The following MYH8 variants were observed in gnomAD, a reference collection of about 807,000 sequenced individuals.
MYH8 encodes the protein myosin-8.
Under a neutral mutation model 233.2 loss-of-function variants are expected in MYH8, and 168 were observed. The observed-to-expected ratio is 0.72, with a 90% confidence interval of 0.64 to 0.82. MYH8 has a LOEUF of 0.82. Among genes scored for constraint, MYH8 ranks in the 40% least tolerant of loss-of-function variants. The probability of loss-of-function intolerance (pLI) is 0.00; values close to 1 mark genes in which losing one functional copy is unlikely to be tolerated. For synonymous variants in MYH8, 785 were observed against 850.6 expected, an observed-to-expected ratio of 0.92 and a Z score of 1.34; for missense variants, 1,995 against 2,327.8, an observed-to-expected ratio of 0.86 and a Z score of 2.94.
In MYH8 at chr17:10,415,167, T is replaced by A. The variant is rs929899105; in HGVS notation, c.754A>T (p.Arg252Ter). 6 of 1,613,136 alleles carry A rather than the reference T, an allele frequency of 3.7e-6. No individual in the cohort carries two copies. Among genetic ancestry groups the A allele is most frequent in the Non-Finnish European group, 5.1e-6 (6 of 1,179,052 alleles). The change falls in exon 9 of 40, where the codon AGA (arginine) becomes TGA (stop). Residue 252 changes from arginine to a stop codon, truncating the protein, a stop_gained. Coordinates refer to ENST00000403437, the MANE Select transcript of MYH8 (RefSeq NM_002472.3). LOFTEE classifies it high-confidence loss of function. This position sits in a 1 kb window ranked among gnomAD's most constrained non-coding sequence, Gnocchi z 4.1. The stretch of plus-strand genomic sequence containing the variant: ...TTCCCTGTAGTACCAAAGTGGATTC[T>A]AATGAATTTACCCTTGAAAAGAATA... ...DNSSRFGKFI[R>*]IHFGTTGKLA... is the part of the protein sequence containing the mutation.
Position 10,396,486 on chromosome 17 carries a change from A to G in MYH8, c.4529-32T>C, listed in dbSNP as rs768182334. ...TTGAACAGACAGGAGAGAAATGGTC[A>G]GAAAGATGGCAACATGGAAAGGTCC... On this transcript the variant is annotated intron_variant, in intron 32 of 39. Transcript: ENST00000403437. The surrounding 1 kb of genome is among the most constrained non-coding windows in gnomAD (Gnocchi z 4.2). 1.2e-6 allele frequency: 2 copies of G among 1,614,092 alleles called. No homozygotes were observed. Among genetic ancestry groups the G allele is most frequent in the South Asian group, 2.2e-5 (2 of 91,038 alleles).
Position 10,406,381 on chromosome 17 carries a change from C to A in MYH8, c.2188G>T (p.Ala730Ser). The change falls in exon 20 of 40, where the codon GCA becomes TCA. Residue 730 changes from alanine to serine, a missense_variant. Ala to Ser is a moderately conservative substitution (Grantham distance 99). Around this residue, in one of 3 missense-constraint regions of MYH8, gnomAD observed 1,498 missense variants for 1,680.9 expected, o/e 0.89. Coordinates refer to ENST00000403437, the MANE Select transcript of MYH8 (RefSeq NM_002472.3). ...AACTGTCCCTCTGGAATAGCACTTGCATTTAAAACCTTGTATCTGCTCAGT... is the reference window on the plus strand; with the variant it reads ...AACTGTCCCTCTGGAATAGCACTTGAATTTAAAACCTTGTATCTGCTCAGT... ...DFKQRYKVLN[A>S]SAIPEGQFID... 6.2e-7 allele frequency: 1 copy of A among 1,614,014 alleles called. No homozygotes were observed. The highest frequency in any genetic ancestry group is 8.5e-7 in the Non-Finnish European group (1 of 1,179,938).
At chr17:10,405,258 A>C (rs1003583010) in intron 21 of MYH8, among the ~76,000 whole-genome samples, 1 of 152,218 alleles carries the variant, frequency 6.6e-6, no homozygotes, top group Non-Finnish European at 1.5e-5. Context: ...TGAGCTCTAA[A>C]ATTTATTTTA....
intron 12 of MYH8, 33 bp from the exon 13 acceptor site, chr17:10,412,761 A>G (rs770894031): frequency 6.6e-7 from 1 of 1,507,710 alleles, no homozygotes; most frequent in Non-Finnish European, 9.2e-7. Context: ...ATGTTGTTTC[A>G]TGAAGGATAT....
rs2072319641 is a variant in MYH8, at chr17:10,419,731, G to A, written c.210+287C>T. ...AGTAAATATTTAACTTCTGATAGGA[G>A]GAGCTTGTTTTCATTTCCCTCAAGT... On this transcript the variant is annotated intron_variant, in intron 3 of 39. Coordinates refer to ENST00000403437, the MANE Select transcript of MYH8 (RefSeq NM_002472.3). This position sits in a 1 kb window ranked among gnomAD's most constrained non-coding sequence, Gnocchi z 4.0. 6.6e-6 allele frequency among the ~76,000 whole-genome samples: 1 copy of A among 152,154 alleles called. No homozygotes were observed. Among genetic ancestry groups the A allele is most frequent in the Non-Finnish European group, 1.5e-5 (1 of 68,030 alleles).
chr17:10,404,705 C>G (rs1199889128), intron 21 of MYH8, 120 bp from the exon 22 acceptor site: 73 of 1,195,756 alleles, frequency 6.1e-5, no homozygotes, highest in Non-Finnish European at 8.4e-5. Context: ...GTCACATTCT[C>G]TATATATTAT....
chr17:10,415,335 A>G lies in MYH8; in HGVS notation c.698T>C (p.Phe233Ser), dbSNP rs1356186695. 1.9e-6 allele frequency: 3 copies of G among 1,614,092 alleles called. No individual in the cohort carries two copies. In the African/African-American group the frequency reaches 4.0e-5, roughly 22 times the overall value. Residue 233 changes from phenylalanine (F) to serine (S), a missense_variant, in exon 8 of 40, where the codon TTT becomes TCT. Around this residue, in one of 3 missense-constraint regions of MYH8, gnomAD observed 479 missense variants for 600.9 expected, o/e 0.80. Coordinates refer to ENST00000403437, the MANE Select transcript of MYH8 (RefSeq NM_002472.3). This position sits in a 1 kb window ranked among gnomAD's most constrained non-coding sequence, Gnocchi z 4.1. ...IISANPLLEA[F>S]GNAKTVRNDN... ...ATTCCTCACAGTTTTGGCATTGCCAAAGGCCTCCAGTAGGGGATTGGCGCT... is the reference window on the plus strand; with the variant it reads ...ATTCCTCACAGTTTTGGCATTGCCAGAGGCCTCCAGTAGGGGATTGGCGCT...
In MYH8 at chr17:10,392,628, C is replaced by T. The variant is rs772962350; in HGVS notation, c.5482G>A (p.Glu1828Lys). 5 of 1,614,044 alleles carry T rather than the reference C, an allele frequency of 3.1e-6. No homozygotes were observed. The East Asian group carries it at 6.7e-5, about 22-fold the overall frequency. Residue 1828 changes from glutamate (E) to lysine (K), a missense_variant, in exon 38 of 40, where the codon GAG (glutamate) becomes AAG (lysine). Physicochemically the swap from Glu to Lys is moderately conservative, Grantham distance 56. Coordinates refer to ENST00000403437, the MANE Select transcript of MYH8 (RefSeq NM_002472.3). The stretch of plus-strand genomic sequence containing the variant: ...TTACGTTTCTGTTCATTTTCAACCT[C>T]TCCTTCAAGCTCACGTACCTGCAGC... ...LEARVRELEG[E>K]VENEQKRNAE...
At chr17:10,404,093 C>T (rs2072165790) in intron 22 of MYH8, among the ~76,000 whole-genome samples, 1 of 152,176 alleles carries the variant, frequency 6.6e-6, no homozygotes, top group Non-Finnish European at 1.5e-5. Flanking sequence ...CTACTTCCTT[C>T]ATGGCTGTTA....
In MYH8 at chr17:10,418,770, T is replaced by C. The variant is rs767040391; in HGVS notation, c.386A>G (p.Asn129Ser). The C allele has an allele frequency of 6.2e-7, 1 of 1,613,710 alleles. No homozygotes were observed. The highest frequency in any genetic ancestry group is 8.5e-7 in the Non-Finnish European group (1 of 1,179,746). The change falls in exon 5 of 40, where the codon AAC (asparagine) becomes AGC (serine). Residue 129 changes from asparagine to serine, a missense_variant. By Grantham distance (46) the Asn-to-Ser change is conservative. Transcript: ENST00000403437. Reference protein sequence around the residue: ...TYSGLFCVTVNPYKWLPVYKP... With the variant: ...TYSGLFCVTVSPYKWLPVYKP... Reference sequence around the variant, plus strand: ...GTACACCGGCAGCCACTTGTAGGGGTTGACGGTGACACAGAAGAGGCCTGA... The same window carrying C: ...GTACACCGGCAGCCACTTGTAGGGGCTGACGGTGACACAGAAGAGGCCTGA...
In MYH8 at chr17:10,394,344, G is replaced by T. The variant is rs1484891697; in HGVS notation, c.5071C>A (p.Leu1691Met). 10 of 1,613,958 alleles carry T rather than the reference G, an allele frequency of 6.2e-6. No individual in the cohort carries two copies. The highest frequency in any genetic ancestry group is 8.5e-6 in the Non-Finnish European group (10 of 1,180,004). The change falls in exon 35 of 40, where the codon CTG (leucine) becomes ATG (methionine). Residue 1691 changes from leucine to methionine, a missense_variant. Physicochemically the swap from Leu to Met is conservative, Grantham distance 15. Coordinates refer to ENST00000403437, the MANE Select transcript of MYH8 (RefSeq NM_002472.3). ...TCTGTCTGTTCCAGAGTGGCCCACA[G>T]CTCCTCGATCTCAGCCTGCAGCAGG... is the stretch of plus-strand genomic sequence containing the variant. ...ANLLQAEIEE[L>M]WATLEQTERS... is the part of the protein sequence containing the mutation.
At chr17:10,398,933 G>A (rs1370452057) in intron 28 of MYH8, 47 bp from the exon 29 acceptor site, 1 of 1,352,452 alleles carries the variant, frequency 7.4e-7, no homozygotes, top group Non-Finnish European at 1.0e-6. Context: ...ATAAAAATAA[G>A]CCTAAACCTT....
Position 10,406,835 on chromosome 17 carries a change from T to C in MYH8, c.2054-28A>G, listed in dbSNP as rs1276947486. ...AAAAATATAGAACAGTACTTATTAG[T>C]GGGCATTTAACTTTCAAACCTGTGC... On this transcript the variant is annotated intron_variant, in intron 18 of 39. Transcript: ENST00000403437. 4.3e-6 allele frequency: 7 copies of C among 1,612,416 alleles called. No homozygotes were observed. The Admixed American group carries it at 8.3e-5, about 19-fold the overall frequency.
At position 10,401,759 on chromosome 17, in the gene MYH8, C is replaced by G. The variant is rs768776876; in HGVS notation, c.2715G>C (p.Glu905Asp). The G allele has an allele frequency of 4.3e-6, 7 of 1,614,140 alleles. No homozygotes were observed. The highest frequency in any genetic ancestry group is 5.9e-6 in the Non-Finnish European group (7 of 1,180,034). The change falls in exon 23 of 40, where the codon GAG (glutamate) becomes GAC (aspartate). Residue 905 changes from glutamate (E) to aspartate (D), a missense_variant. Glu to Asp is a conservative substitution (Grantham distance 45). This residue lies in a region of MYH8 where 1,498 missense variants were observed against 1,680.9 expected (regional missense o/e 0.89). Transcript: ENST00000403437. ...QSEADSLADA[E>D]ERCEQLIKNK... Reference sequence around the variant, plus strand: ...TTTTAATCAGTTGCTCACACCTTTCCTCTGCATCAGCCAAGCTATCTGCTT... The same window carrying G: ...TTTTAATCAGTTGCTCACACCTTTCGTCTGCATCAGCCAAGCTATCTGCTT...
Position 10,406,725 on chromosome 17 carries a change from G to T in MYH8, c.2136C>A (p.Phe712Leu). ...AATCACCATATAAGATTCTGCTTGG[G>T]AATCCTTTCCTACAGATGCGGATGC... ...LEGIRICRKG[F>L]PSRILYGDFK... Residue 712 changes from phenylalanine (F) to leucine (L), a missense_variant, in exon 19 of 40, where the codon TTC becomes TTA. Physicochemically the swap from Phe to Leu is conservative, Grantham distance 22 (BLOSUM62 0). Around this residue, in one of 3 missense-constraint regions of MYH8, gnomAD observed 1,498 missense variants for 1,680.9 expected, o/e 0.89. Coordinates refer to ENST00000403437, the MANE Select transcript of MYH8 (RefSeq NM_002472.3). The T allele has an allele frequency of 1.9e-6, 3 of 1,614,044 alleles. No homozygotes were observed. Among genetic ancestry groups the T allele is most frequent in the Non-Finnish European group, 2.5e-6 (3 of 1,179,978 alleles).
intron 19 of MYH8, 145 bp downstream of exon 19, chr17:10,406,545 A>T (rs183624665): frequency 1.3e-4 from 182 of 1,382,656 alleles, no homozygotes; most frequent in Non-Finnish European, 1.8e-4. Context: ...GTAAAACAAT[A>T]TGATTTTCTG....
rs2072045245 is a variant in MYH8 at position 10,393,092 on chromosome 17, A to G, written c.5285T>C (p.Ile1762Thr). Reference sequence around the variant, plus strand: ...GCCAAATGTTCATCTTACATCAGTGATGGCCTTCTTGGCTTTCTCTTCTGC... The same window carrying G: ...GCCAAATGTTCATCTTACATCAGTGGTGGCCTTCTTGGCTTTCTCTTCTGC... ...RNAEEKAKKA[I>T]TDAAMMAEEL... is the part of the protein sequence containing the mutation. Residue 1762 changes from isoleucine (I) to threonine (T), a missense_variant, in exon 36 of 40, where the codon ATC (isoleucine) becomes ACC (threonine). Physicochemically the swap from Ile to Thr is moderately conservative, Grantham distance 89. Around this residue, in one of 3 missense-constraint regions of MYH8, gnomAD observed 1,498 missense variants for 1,680.9 expected, o/e 0.89. Coordinates refer to ENST00000403437, the MANE Select transcript of MYH8 (RefSeq NM_002472.3). 6 of 1,614,194 alleles carry G rather than the reference A, an allele frequency of 3.7e-6. No homozygotes were observed. Among genetic ancestry groups the G allele is most frequent in the Non-Finnish European group, 5.1e-6 (6 of 1,180,020 alleles).
chr17:10,412,280 G>A, intron 14 of MYH8, 90 bp downstream of exon 14: 1 of 1,612,700 alleles, frequency 6.2e-7, no homozygotes, highest in Non-Finnish European at 8.5e-7. Context: ...CAAGTAATAT[G>A]GACGCTATAA....
intron 39 of MYH8, 113 bp downstream of exon 39, chr17:10,391,769 A>T: frequency 1.2e-6 from 1 of 841,400 alleles, no homozygotes; most frequent in Non-Finnish European, 2.1e-6. Flanking sequence ...CATCCCTCTT[A>T]AAATGAGTGG....
Sources: allele counts gnomAD v4.1 joint callset (sites outside exome capture counted in the v4.1 genomes callset), GRCh38; gene constraint gnomAD v4.1.1; regional missense constraint gnomAD v4.1.1; non-coding constraint Gnocchi (gnomAD v3.1); transcripts MANE v1.5; gene names NCBI Gene and HGNC (gene_info 2026-07-23, HGNC 2026-07-21).